AKAP7: variants seen among roughly 807,000 people sequenced by gnomAD.
AKAP7 encodes A-kinase anchoring protein 7, also known as A kinase (PRKA) anchor protein 7.
A neutral mutation model predicts 39.5 loss-of-function variants in AKAP7; 39 were observed. That is an observed-to-expected ratio of 0.99 (90% confidence interval 0.76 to 1.29). The LOEUF is 1.29. AKAP7 is among the 50% of genes most tolerant of loss of function. The pLI, the probability that AKAP7 is intolerant of heterozygous loss-of-function variation, is 0.00. For synonymous variants in AKAP7, 140 were observed against 139.1 expected, an observed-to-expected ratio of 1.01 and a Z score of -0.05; for missense variants, 414 against 407.7, an observed-to-expected ratio of 1.02 and a Z score of -0.13.
chr6:131,241,111 G>A (rs1156954808), intron 7 of AKAP7, among the ~76,000 whole-genome samples: 1 of 152,142 alleles, frequency 6.6e-6, no homozygotes, highest in Non-Finnish European at 1.5e-5. Context: ...CATTTTTGGA[G>A]CTGGAAATGA....
At chr6:131,152,156 A>G (rs1196643490) in intron 2 of AKAP7, among the ~76,000 whole-genome samples, 1 of 152,210 alleles carries the variant, frequency 6.6e-6, no homozygotes, top group Admixed American at 6.5e-5. Context: ...AACAAGTGGA[A>G]TAAATTAAAT....
chr6:131,260,307 T>G (rs183495908), intron 7 of AKAP7, among the ~76,000 whole-genome samples: 30 of 152,314 alleles, frequency 2.0e-4, no homozygotes, highest in East Asian at 3.9e-4. Context: ...TATATTTTTT[T>G]GGGCATATAC....
chr6:131,164,288 T>C, intron 3 of AKAP7: 1 of 441,624 alleles, frequency 2.3e-6, no homozygotes, highest in Non-Finnish European at 4.6e-6. Context: ...CTGGGTTTGC[T>C]ATTTTGTATT....
chr6:131,232,591 C>T (rs751032414), intron 7 of AKAP7, among the ~76,000 whole-genome samples: 11 of 151,940 alleles, frequency 7.2e-5, no homozygotes, highest in Non-Finnish European at 1.5e-4. Context: ...CTTGGGAGGC[C>T]GAGGTCAGGA....
chr6:131,167,253 C>T (rs935067899), intron 4 of AKAP7, among the ~76,000 whole-genome samples: 3 of 152,294 alleles, frequency 2.0e-5, no homozygotes, highest in African/African-American at 4.8e-5. Flanking sequence ...CCAGTAGACA[C>T]TGATTCCTTC....
At chr6:131,181,069 G>A (rs1805178909) in intron 5 of AKAP7, among the ~76,000 whole-genome samples, 2 of 151,878 alleles carry the variant, frequency 1.3e-5, no homozygotes, top group South Asian at 2.1e-4. Context: ...CTGAGTAGCT[G>A]GGATTACAGG....
intron 7 of AKAP7, among the ~76,000 whole-genome samples, chr6:131,233,604 A>G (rs115923017): frequency 1.4e-3 from 208 of 152,278 alleles, no homozygotes; most frequent in African/African-American, 4.9e-3. Flanking sequence ...AGAGTGACTT[A>G]TGGTAGGGTT....
intron 1 of AKAP7, among the ~76,000 whole-genome samples, chr6:131,141,899 C>CTTTTTTTTTTTT (rs773131426): frequency 1.6e-4 from 19 of 116,186 alleles, no homozygotes; most frequent in Non-Finnish European, 2.2e-4. Flanking sequence ...TTCTTTCTTT[C>CTTTTTTTTTTTT]TTTTTTTTTT....
intron 7 of AKAP7, among the ~76,000 whole-genome samples, chr6:131,244,657 G>C (rs569562318): frequency 6.6e-6 from 1 of 152,308 alleles, no homozygotes; most frequent in East Asian, 1.9e-4. Flanking sequence ...CATGGAGTAG[G>C]CATTTGAAAA....
intron 3 of AKAP7, among the ~76,000 whole-genome samples, chr6:131,162,770 G>A (rs1463695952): frequency 6.6e-6 from 1 of 152,138 alleles, no homozygotes; most frequent in Non-Finnish European, 1.5e-5. Context: ...TCTTGGTTTT[G>A]TTAATGCCGG....
chr6:131,161,856 G>A (rs1403048565), intron 3 of AKAP7, among the ~76,000 whole-genome samples: 1 of 151,992 alleles, frequency 6.6e-6, no homozygotes, highest in Non-Finnish European at 1.5e-5. Flanking sequence ...CTGCTTTCAT[G>A]AGCAGCCAGA....
At chr6:131,186,704 A>G (rs1304300418) in intron 5 of AKAP7, among the ~76,000 whole-genome samples, 1 of 152,160 alleles carries the variant, frequency 6.6e-6, no homozygotes, top group Admixed American at 6.5e-5. Flanking sequence ...AGGGGAGAAC[A>G]CTGTATCCTC....
chr6:131,254,489 T>C (rs1422980906), intron 7 of AKAP7, among the ~76,000 whole-genome samples: 2 of 152,248 alleles, frequency 1.3e-5, no homozygotes, highest in Admixed American at 6.5e-5. Context: ...ACTATGTAGA[T>C]ACCTCTGTAA....
chr6:131,280,885 C>T (rs920471420), intron 7 of AKAP7, among the ~76,000 whole-genome samples: 5 of 152,152 alleles, frequency 3.3e-5, no homozygotes, highest in African/African-American at 1.2e-4. Context: ...AAAATATTTA[C>T]ATCTAGTAAT....
chr6:131,242,152 A>G (rs4404789), intron 7 of AKAP7: 129,437 of 984,132 alleles, frequency 0.13, 8,957 homozygotes, highest in Admixed American at 0.2. Flanking sequence ...TTGTGGTTCT[A>G]TTTGATCTTC....
Position 131,281,939 on chromosome 6 carries a change from T to C in AKAP7, c.*213T>C, listed in dbSNP as rs73774720. On this transcript the variant is annotated 3_prime_UTR_variant, in exon 8 of 8. Transcript: ENST00000431975. This position sits in a 1 kb window ranked among gnomAD's most constrained non-coding sequence, Gnocchi z 4.0. ...GGGACTGGCAGAGGAAATTAATTGA[T>C]GAAAGAAGAATGGCCCAAGTTTCAT... The C allele has an allele frequency of 4.2e-3, 5,156 of 1,229,766 alleles. 155 individuals carry two copies. The African/African-American group carries it at 0.069, about 16-fold the overall frequency. The allele number at this position is 1,229,766 out of a possible 1,614,324, so 76.2% of individuals were successfully genotyped here.
chr6:131,213,624 G>A (rs149985327), intron 6 of AKAP7, among the ~76,000 whole-genome samples: 1 of 152,276 alleles, frequency 6.6e-6, no homozygotes, highest in African/African-American at 2.4e-5. Flanking sequence ...GTGCTCAGCT[G>A]AGACTGAGCA....
chr6:131,264,385 G>A (rs541263062), intron 7 of AKAP7, among the ~76,000 whole-genome samples: 2 of 152,310 alleles, frequency 1.3e-5, no homozygotes, highest in African/African-American at 4.8e-5. Flanking sequence ...ATAACTAGGA[G>A]TAGCTCTTCT....
At chr6:131,166,667 T>G (rs1401858082) in intron 4 of AKAP7, among the ~76,000 whole-genome samples, 1 of 152,152 alleles carries the variant, frequency 6.6e-6, no homozygotes, top group Non-Finnish European at 1.5e-5. Context: ...ACCCCTATTC[T>G]GGAGGGGCAG....
Sources: gnomAD v4.1 joint callset for allele counts (sites outside exome capture counted in the v4.1 genomes callset) on GRCh38, gnomAD v4.1.1 for gene constraint, Gnocchi (gnomAD v3.1) non-coding constraint, MANE v1.5 for transcripts, NCBI Gene and HGNC (gene_info 2026-07-23, HGNC 2026-07-21) for gene names.